Variants in CELF6 observed in about 807,000 individuals in gnomAD.
The protein encoded by CELF6 is Bruno -like 6, RNA binding protein.
CELF6 carries 32 observed loss-of-function variants against 53.1 expected under a neutral mutation model. The observed-to-expected ratio is 0.60, with a 90% confidence interval of 0.46 to 0.81. CELF6 has a LOEUF of 0.81. Ranked by LOEUF, CELF6 falls within the 30% of genes least tolerant of loss-of-function variation. The pLI, the probability that CELF6 is intolerant of heterozygous loss-of-function variation, is 0.00. For missense variants in CELF6, 539 were observed against 669.5 expected, an observed-to-expected ratio of 0.81 and a Z score of 2.15; for synonymous variants, 291 against 288.8, an observed-to-expected ratio of 1.01 and a Z score of -0.08.
intron 1 of CELF6, among the ~76,000 whole-genome samples, chr15:72,318,120 T>C (rs1188122847): frequency 6.6e-6 from 1 of 151,954 alleles, no homozygotes; most frequent in Non-Finnish European, 1.5e-5. Flanking sequence ...AGAAAATGAG[T>C]TACTACAGAG....
chr15:72,292,131 A>G, intron 3 of CELF6: 1 of 1,126,330 alleles, frequency 8.9e-7, no homozygotes, highest in South Asian at 1.4e-5. Context: ...GGTGGAGTTC[A>G]TCTTGCTTGA....
At position 72,319,962 on chromosome 15, in the gene CELF6, G is replaced by A; in HGVS notation, c.-88C>T. ...CTGGACCGGTGGCGAGGGCCAGGGG[G>A]AGGGGGCGGAGCCCGGGCGGAGAGG... On this transcript the variant is annotated 5_prime_UTR_variant, in exon 1 of 13. Transcript: ENST00000287202. This position sits in a 1 kb window ranked among gnomAD's most constrained non-coding sequence, Gnocchi z 5.0. 2 of 1,363,882 alleles carry A rather than the reference G, an allele frequency of 1.5e-6. No homozygotes were observed. Among genetic ancestry groups the A allele is most frequent in the South Asian group, 1.7e-5 (1 of 58,886 alleles). 84.5% of individuals were successfully genotyped at this position (1,363,882 alleles called of 1,614,324 possible).
In CELF6 at chr15:72,284,906, G is replaced by T. The variant is rs1595771768; in HGVS notation, c.*1465C>A. The T allele has an allele frequency of 6.5e-6, 1 of 152,758 alleles. No homozygotes were observed. The highest frequency in any genetic ancestry group is 1.9e-4 in the East Asian group (1 of 5,184). 9.5% of individuals were successfully genotyped at this position (152,758 alleles called of 1,614,324 possible). ...CAGACCAAGCTGATCCATGCCTGTGGGGTGGAGGGGAAATCCTCCTGGGAA... is the reference window on the plus strand; with the variant it reads ...CAGACCAAGCTGATCCATGCCTGTGTGGTGGAGGGGAAATCCTCCTGGGAA... On this transcript the variant is annotated 3_prime_UTR_variant, in exon 13 of 13. Transcript: ENST00000287202.
At chr15:72,309,071 C>A (rs1273232317) in intron 2 of CELF6, among the ~76,000 whole-genome samples, 1 of 152,180 alleles carries the variant, frequency 6.6e-6, no homozygotes. Flanking sequence ...TGCCACCATG[C>A]CCAGCTAATT....
chr15:72,305,014 T>C (rs912057958), intron 2 of CELF6, among the ~76,000 whole-genome samples: 4 of 152,280 alleles, frequency 2.6e-5, no homozygotes, highest in Admixed American at 2.6e-4. Flanking sequence ...GACAGGAACT[T>C]AGTGGCAAGC....
chr15:72,316,073 C>G, intron 1 of CELF6, 146 bp from the exon 2 acceptor site: 2 of 596,656 alleles, frequency 3.4e-6, no homozygotes, highest in Non-Finnish European at 5.9e-6. Flanking sequence ...CCTCCCACCT[C>G]TGGAGGGAGG....
Position 72,289,050 on chromosome 15 carries a change from A to G in CELF6, c.1030+88T>C. 1 of 1,247,372 alleles carries G rather than the reference A, an allele frequency of 8.0e-7. No homozygotes were observed. The highest frequency in any genetic ancestry group is 1.1e-6 in the Non-Finnish European group (1 of 903,512). 77.3% of individuals were successfully genotyped at this position (1,247,372 alleles called of 1,614,324 possible). On this transcript the variant is annotated intron_variant, in intron 8 of 12. Transcript: ENST00000287202. The surrounding 1 kb of genome is among the most constrained non-coding windows in gnomAD (Gnocchi z 7.6). ...TGAGAGACAGCAGGGAAGGAGGGGG[A>G]TCTCTTCCCAGGGAAGCCAGGCCCT... is the stretch of plus-strand genomic sequence containing the variant.
At chr15:72,295,656 G>A (rs2088067880) in intron 3 of CELF6, among the ~76,000 whole-genome samples, 1 of 147,634 alleles carries the variant, frequency 6.8e-6, no homozygotes, top group African/African-American at 2.5e-5. Context: ...AACCCAGGAT[G>A]CAGAGGTTGC....
chr15:72,289,641 C>A lies in CELF6; in HGVS notation c.733G>T (p.Ala245Ser). Residue 245 changes from alanine (A) to serine (S), a missense_variant, in exon 6 of 13, where the codon GCC becomes TCC. By Grantham distance (99) the Ala-to-Ser change is moderately conservative. Coordinates refer to ENST00000287202, the MANE Select transcript of CELF6 (RefSeq NM_052840.5). The surrounding 1 kb of genome is among the most constrained non-coding windows in gnomAD (Gnocchi z 7.6). The stretch of plus-strand genomic sequence containing the variant: ...CCGGTACCTACCGCCGTGGTGTAGG[C>A]GCCGCAGGCCCCTAGCGGCAGTGGC... The part of the protein sequence containing the change: ...PAPLPLGACG[A>S]YTTAILQHQA... 6.7e-7 allele frequency: 1 copy of A among 1,502,038 alleles called. No individual in the cohort carries two copies. Among genetic ancestry groups the A allele is most frequent in the Non-Finnish European group, 8.8e-7 (1 of 1,134,348 alleles). 93.0% of individuals were successfully genotyped at this position (1,502,038 alleles called of 1,614,324 possible). A position where few individuals can be genotyped will look rare whatever the true frequency, so the allele number is the denominator to read the frequency against.
chr15:72,306,540 CA>C (rs2088232818), intron 2 of CELF6, among the ~76,000 whole-genome samples: 1 of 96,432 alleles, frequency 1.0e-5, no homozygotes, highest in Non-Finnish European at 1.9e-5. Flanking sequence ...GTGGGAGGGG[CA>C]GGGAGGGCTT....
Position 72,287,175 on chromosome 15 carries a change from A to T in CELF6, c.*28+62T>A. On this transcript the variant is annotated intron_variant, in intron 12 of 12. Transcript: ENST00000287202. ...CCTCCAAGGTCCCAAAAGGAGGACC[A>T]TCAAAGCTGGGAGGGCCTCATCACT... The T allele has an allele frequency of 3.3e-6, 5 of 1,494,602 alleles. No individual in the cohort carries two copies. The South Asian group carries it at 6.5e-5, about 19-fold the overall frequency. 92.6% of individuals were successfully genotyped at this position (1,494,602 alleles called of 1,614,324 possible).
At chr15:72,307,537 C>T (rs1021914189) in intron 2 of CELF6, among the ~76,000 whole-genome samples, 3 of 152,232 alleles carry the variant, frequency 2.0e-5, no homozygotes, top group Non-Finnish European at 4.4e-5. Flanking sequence ...CTTCCAACCA[C>T]TCTTCAAGGG....
rs992447830 is a variant in CELF6, at chr15:72,289,083, C to A, written c.1030+55G>T. The A allele has an allele frequency of 1.3e-5, 18 of 1,401,428 alleles. No homozygotes were observed. Among genetic ancestry groups the A allele is most frequent in the African/African-American group, 2.9e-5 (2 of 69,676 alleles). 86.8% of individuals were successfully genotyped at this position (1,401,428 alleles called of 1,614,324 possible). On this transcript the variant is annotated intron_variant, in intron 8 of 12. Transcript: ENST00000287202. This position sits in a 1 kb window ranked among gnomAD's most constrained non-coding sequence, Gnocchi z 7.6. Reference sequence around the variant, plus strand: ...CCAGGGAAGCCAGGCCCTAACCCCCCACCCCCCGCTCCCCACTCCATTTCG... The same window carrying A: ...CCAGGGAAGCCAGGCCCTAACCCCCAACCCCCCGCTCCCCACTCCATTTCG...
chr15:72,306,140 C>T (rs1363174857), intron 2 of CELF6: 19 of 983,244 alleles, frequency 1.9e-5, no homozygotes, highest in Non-Finnish European at 2.3e-5. Flanking sequence ...CCCCATCTCA[C>T]CTTCCTCTCA....
intron 3 of CELF6, among the ~76,000 whole-genome samples, chr15:72,300,655 G>A (rs11635828): frequency 0.75 from 113,607 of 152,034 alleles, 48,459 homozygotes; most frequent in Non-Finnish European, 0.94. Flanking sequence ...CCAACATGGC[G>A]AAACCTCGTC....
chr15:72,297,118 C>T (rs761632473), intron 3 of CELF6, among the ~76,000 whole-genome samples: 2 of 152,042 alleles, frequency 1.3e-5, no homozygotes, highest in African/African-American at 4.8e-5. Context: ...CTTCACCTTG[C>T]CTACTTATCA....
rs1024652580 is a variant in CELF6, at chr15:72,285,302, C to G, written c.*1069G>C. ...GAAGCTTCTACATATTGAAAAATTT[C>G]CCCTTCTCAATGGCAGTATATACAG... On this transcript the variant is annotated 3_prime_UTR_variant, in exon 13 of 13. Coordinates refer to ENST00000287202, the MANE Select transcript of CELF6 (RefSeq NM_052840.5). The G allele has an allele frequency of 6.6e-6, 1 of 152,646 alleles. No individual in the cohort carries two copies. The highest frequency in any genetic ancestry group is 2.4e-5 in the African/African-American group (1 of 41,470). 9.5% of individuals were successfully genotyped at this position (152,646 alleles called of 1,614,324 possible).
intron 3 of CELF6, among the ~76,000 whole-genome samples, chr15:72,298,789 G>C (rs772168990): frequency 1.2e-4 from 18 of 152,170 alleles, no homozygotes; most frequent in Non-Finnish European, 2.4e-4. Context: ...TATAAGTGAG[G>C]AAAAATCAAC....
chr15:72,307,949 G>T (rs2088251171), intron 2 of CELF6, among the ~76,000 whole-genome samples: 1 of 150,946 alleles, frequency 6.6e-6, no homozygotes, highest in Non-Finnish European at 1.5e-5. Context: ...CGGACAGGGA[G>T]CTGCAATGGC....
Sources: gnomAD v4.1 joint callset for allele counts (sites outside exome capture counted in the v4.1 genomes callset) on GRCh38, gnomAD v4.1.1 for gene constraint, Gnocchi (gnomAD v3.1) non-coding constraint, MANE v1.5 for transcripts, NCBI Gene and HGNC (gene_info 2026-07-23, HGNC 2026-07-21) for gene names.